Variants in ERBB4 observed in about 807,000 individuals in gnomAD.
ERBB4 encodes receptor tyrosine-protein kinase erbB-4.
In ERBB4, 42 loss-of-function variants were observed where a neutral mutation model predicts 158.0. That is an observed-to-expected ratio of 0.27 (90% CI 0.21 to 0.34). The LOEUF (loss-of-function observed/expected upper bound fraction) is 0.34. Ranked by LOEUF, ERBB4 falls within the 10% of genes least tolerant of loss-of-function variation. The probability of loss-of-function intolerance (pLI) is 1.00; values close to 1 mark genes in which losing one functional copy is unlikely to be tolerated. For synonymous variants in ERBB4, 583 were observed against 558.7 expected (o/e 1.04, Z -0.61); for missense variants, 1,333 against 1,624.1 (o/e 0.82, Z 3.08).
At chr2:211,603,834 T>C (rs936193307) in intron 19 of ERBB4, among the ~76,000 whole-genome samples, 96 of 152,360 alleles carry the variant, frequency 6.3e-4, no homozygotes, top group African/African-American at 2.3e-3. Context: ...GAAGCTGAGA[T>C]ACACGAGGTC....
chr2:211,931,920 A>G (rs1176290126), intron 3 of ERBB4, among the ~76,000 whole-genome samples: 2 of 152,096 alleles, frequency 1.3e-5, no homozygotes, highest in Admixed American at 1.3e-4. Flanking sequence ...TCTAAACACT[A>G]TGCTAGGCAG....
rs1485135650 is a variant in ERBB4, at chr2:212,191,653, G to GTGTTATGCATGTTATATATAACA, written c.83-66751_83-66750insTGTTATATATAACATGCATAACA. Among the ~76,000 whole-genome samples, 713 of 100,996 alleles carry GTGTTATGCATGTTATATATAACA rather than the reference G, an allele frequency of 7.1e-3. 40 individuals are homozygous for GTGTTATGCATGTTATATATAACA. The highest frequency in any genetic ancestry group is 0.011 in the Non-Finnish European group (486 of 42,298). 66.3% of individuals were successfully genotyped at this position (100,996 alleles called of 152,430 possible). ...GTTATGCATGCTATATATAACACAT[G>GTGTTATGCATGTTATATATAACA]CGTTATACATGTCATATATCGCGTG... On this transcript the variant is annotated intron_variant, in intron 1 of 27. Transcript: ENST00000342788.
chr2:211,464,312 A>G (rs1382069632), intron 20 of ERBB4, among the ~76,000 whole-genome samples: 1 of 152,208 alleles, frequency 6.6e-6, no homozygotes, highest in Non-Finnish European at 1.5e-5. Context: ...ATATGAATTA[A>G]TGATGAGGCA....
chr2:211,380,489 C>T lies in ERBB4; in HGVS notation c.*3126G>A, dbSNP rs981802280. The T allele has an allele frequency of 8.6e-6, 2 of 232,146 alleles. No homozygotes were observed. The highest frequency in any genetic ancestry group is 1.7e-5 in the Non-Finnish European group (2 of 117,476). The allele number at this position is 232,146 out of a possible 1,614,324, so 14.4% of individuals were successfully genotyped here. A position where few individuals can be genotyped will look rare whatever the true frequency, so the allele number is the denominator to read the frequency against. On this transcript the variant is annotated 3_prime_UTR_variant, in exon 28 of 28. Transcript: ENST00000342788. Reference sequence around the variant, plus strand: ...GCAAATTTCAATTGCTACAATTGGCCTCTGGAATCTGATATCCCCCCAAGC... The same window carrying T: ...GCAAATTTCAATTGCTACAATTGGCTTCTGGAATCTGATATCCCCCCAAGC...
At chr2:211,712,614 A>G (rs1319502338) in intron 8 of ERBB4, among the ~76,000 whole-genome samples, 1 of 152,130 alleles carries the variant, frequency 6.6e-6, no homozygotes, top group African/African-American at 2.4e-5. Flanking sequence ...ACAACCTGCA[A>G]TTTTAAAAAC....
intron 20 of ERBB4, among the ~76,000 whole-genome samples, chr2:211,538,119 T>C (rs1383898872): frequency 2.1e-5 from 3 of 145,044 alleles, no homozygotes; most frequent in African/African-American, 8.6e-5. Flanking sequence ...TTTGTAGTCC[T>C]TTAGTATTCT....
At chr2:211,786,554 A>G (rs1194211729) in intron 4 of ERBB4, among the ~76,000 whole-genome samples, 2 of 152,204 alleles carry the variant, frequency 1.3e-5, no homozygotes, top group Non-Finnish European at 2.9e-5. Context: ...TTTGTCTTCA[A>G]AAAGAATAGC....
rs192154608 is a variant in ERBB4 at position 212,297,024 on chromosome 2, G to A, written c.83-172121C>T. On this transcript the variant is annotated intron_variant, in intron 1 of 27. Coordinates refer to ENST00000342788, the MANE Select transcript of ERBB4 (RefSeq NM_005235.3). ...TTTCCCTCCCAGGCTCATAACTCGA[G>A]GTTAAACTCTCTTTTATACAAGAAC... 5.2e-3 allele frequency among the ~76,000 whole-genome samples: 797 copies of A among 151,814 alleles called. 4 individuals are homozygous for A. Among genetic ancestry groups the A allele is most frequent in the Non-Finnish European group, 8.4e-3 (573 of 67,894 alleles).
chr2:212,129,095 C>A (rs977422279), intron 1 of ERBB4, among the ~76,000 whole-genome samples: 7 of 151,848 alleles, frequency 4.6e-5, no homozygotes, highest in African/African-American at 1.7e-4. Flanking sequence ...TTTAGTACAA[C>A]CAATTATGGG....
At chr2:212,021,547 C>T (rs1416515429) in intron 2 of ERBB4, among the ~76,000 whole-genome samples, 2 of 152,080 alleles carry the variant, frequency 1.3e-5, no homozygotes, top group Non-Finnish European at 2.9e-5. Context: ...GAATCCATTT[C>T]TCACCACTTA....
chr2:212,393,258 G>A (rs149258219), intron 1 of ERBB4, among the ~76,000 whole-genome samples: 111 of 151,992 alleles, frequency 7.3e-4, no homozygotes, highest in African/African-American at 2.6e-3. Context: ...AAAAATTATA[G>A]TGCCTATTTC....
intron 7 of ERBB4, among the ~76,000 whole-genome samples, chr2:211,717,389 G>T (rs2073953396): frequency 6.6e-6 from 1 of 152,176 alleles, no homozygotes; most frequent in Non-Finnish European, 1.5e-5. Flanking sequence ...GAGTTAGTGT[G>T]TCTGTGACTT....
chr2:211,388,618 A>G (rs543749832), intron 25 of ERBB4, among the ~76,000 whole-genome samples: 2 of 151,820 alleles, frequency 1.3e-5, no homozygotes, highest in Non-Finnish European at 2.9e-5. Flanking sequence ...TGGAAAATCA[A>G]TTCCTTTCCT....
chr2:212,409,462 A>G (rs1476177820), intron 1 of ERBB4, among the ~76,000 whole-genome samples: 1 of 152,150 alleles, frequency 6.6e-6, no homozygotes, highest in African/African-American at 2.4e-5. Flanking sequence ...ATATGTAAGT[A>G]TGATTGTATA....
intron 3 of ERBB4, among the ~76,000 whole-genome samples, chr2:211,921,650 T>C (rs1226364578): frequency 6.6e-6 from 1 of 152,024 alleles, no homozygotes; most frequent in Non-Finnish European, 1.5e-5. Flanking sequence ...CAATTTTACA[T>C]AGAGTGACTG....
At chr2:211,738,373 T>G (rs201406947) in intron 5 of ERBB4, among the ~76,000 whole-genome samples, 5,832 of 148,720 alleles carry the variant, frequency 0.039, 349 homozygotes, top group East Asian at 0.2. Flanking sequence ...TTTTTTTTTT[T>G]TTTTTTTTTT....
chr2:211,666,218 G>A (rs1459760830), intron 14 of ERBB4, among the ~76,000 whole-genome samples: 1 of 151,908 alleles, frequency 6.6e-6, no homozygotes, highest in Non-Finnish European at 1.5e-5. Context: ...GTAAATCACA[G>A]AACAATACTG....
At chr2:211,572,234 T>C (rs1364381838) in intron 19 of ERBB4, among the ~76,000 whole-genome samples, 2 of 152,216 alleles carry the variant, frequency 1.3e-5, no homozygotes, top group East Asian at 1.9e-4. Flanking sequence ...ATTGACAACA[T>C]AGAGTCGTAA....
Position 211,430,995 on chromosome 2 carries a change from C to A in ERBB4, c.2593G>T (p.Ala865Ser), listed in dbSNP as rs2125429659. The A allele has an allele frequency of 1.2e-6, 2 of 1,613,960 alleles. No homozygotes were observed. Among genetic ancestry groups the A allele is most frequent in the Non-Finnish European group, 1.7e-6 (2 of 1,179,868 alleles). The change falls in exon 21 of 28, where the codon GCC becomes TCC. Residue 865 changes from alanine (A) to serine (S), a missense_variant. Physicochemically the swap from Ala to Ser is moderately conservative, Grantham distance 99 (BLOSUM62 1). Around this residue, in one of 5 missense-constraint regions of ERBB4, gnomAD observed 314 missense variants for 437.6 expected, o/e 0.72. Coordinates refer to ENST00000342788, the MANE Select transcript of ERBB4 (RefSeq NM_005235.3). ...NHVKITDFGLARLLEGDEKEY... is the reference protein window; with the variant it reads ...NHVKITDFGLSRLLEGDEKEY... ...TTTTCATCTCCTTCCAAGAGTCTGGCTAGCCCAAAATCTGTGATTTTCACA... is the reference window on the plus strand; with the variant it reads ...TTTTCATCTCCTTCCAAGAGTCTGGATAGCCCAAAATCTGTGATTTTCACA...
Sources: gnomAD v4.1 joint callset for allele counts (sites outside exome capture counted in the v4.1 genomes callset) on GRCh38, gnomAD v4.1.1 for gene constraint, gnomAD v4.1.1 regional missense constraint, MANE v1.5 for transcripts, NCBI Gene and HGNC (gene_info 2026-07-23, HGNC 2026-07-21) for gene names.